TOX: variants seen among roughly 807,000 people sequenced by gnomAD.
TOX encodes the protein thymocyte selection-associated high mobility group box protein TOX.
TOX carries 11 observed loss-of-function variants against 53.7 expected under a neutral mutation model. The ratio of observed to expected loss-of-function variants is 0.20; its 90% confidence interval spans 0.13 to 0.34. The LOEUF (loss-of-function observed/expected upper bound fraction) is 0.34. TOX is among the 10% of genes least tolerant of loss of function. The pLI, the probability that TOX is intolerant of heterozygous loss-of-function variation, is 1.00. For missense variants in TOX, 570 were observed against 664.6 expected (o/e 0.86, Z 1.56); for synonymous variants, 225 against 245.3 (o/e 0.92, Z 0.77).
Position 58,851,673 on chromosome 8 carries a change from T to C in TOX, c.544A>G (p.Ile182Val), listed in dbSNP as rs779563761. Residue 182 changes from isoleucine (I) to valine (V), a missense_variant, in exon 4 of 9, where the codon ATT (isoleucine) becomes GTT (valine). This residue lies in a region of TOX where 282 missense variants were observed against 315.0 expected (regional missense o/e 0.90). Coordinates refer to ENST00000361421, the MANE Select transcript of TOX (RefSeq NM_014729.3). This position sits in a 1 kb window ranked among gnomAD's most constrained non-coding sequence, Gnocchi z 4.4. ...GMMPHGQLTT[I>V]NQSQLSAQLG... Reference sequence around the variant, plus strand: ...TGAGCACTTAGCTGTGACTGGTTAATGGTAGTCAGCTGGCCATGTGGCATC... The same window carrying C: ...TGAGCACTTAGCTGTGACTGGTTAACGGTAGTCAGCTGGCCATGTGGCATC... 4.3e-6 allele frequency: 7 copies of C among 1,613,776 alleles called. No individual in the cohort carries two copies. The highest frequency in any genetic ancestry group is 4.2e-6 in the Non-Finnish European group (5 of 1,179,860).
chr8:58,824,370 A>G (rs1395498271), intron 6 of TOX, among the ~76,000 whole-genome samples: 1 of 152,212 alleles, frequency 6.6e-6, no homozygotes, highest in Non-Finnish European at 1.5e-5. Flanking sequence ...TGTACTGAGA[A>G]TGAACCCAGT....
At chr8:58,936,923 G>C (rs1317914538) in intron 3 of TOX, among the ~76,000 whole-genome samples, 3 of 152,124 alleles carry the variant, frequency 2.0e-5, no homozygotes, top group Admixed American at 2.0e-4. Flanking sequence ...ATGAAAAATT[G>C]GTCCCTCAGT....
intron 5 of TOX, among the ~76,000 whole-genome samples, chr8:58,837,586 T>G (rs983629493): frequency 6.6e-6 from 1 of 152,154 alleles, no homozygotes; most frequent in African/African-American, 2.4e-5. Flanking sequence ...CCTAAAAATA[T>G]GGTGTAAATA....
At chr8:58,858,745 G>T (rs1274730184) in intron 3 of TOX, among the ~76,000 whole-genome samples, 1 of 152,238 alleles carries the variant, frequency 6.6e-6, no homozygotes, top group African/African-American at 2.4e-5. Flanking sequence ...GCTTCCTCTC[G>T]GTCCCTTTTA....
chr8:58,877,756 C>T (rs1213711294), intron 3 of TOX, among the ~76,000 whole-genome samples: 1 of 152,096 alleles, frequency 6.6e-6, no homozygotes, highest in Non-Finnish European at 1.5e-5. Context: ...TGCAGTCGTG[C>T]AGTGTACTAA....
At chr8:58,816,953 G>A (rs1810190326) in intron 6 of TOX, among the ~76,000 whole-genome samples, 4 of 152,120 alleles carry the variant, frequency 2.6e-5, no homozygotes, top group African/African-American at 7.2e-5. Context: ...CTTCAATAAT[G>A]CAGTCAAGTT....
intron 1 of TOX, among the ~76,000 whole-genome samples, chr8:59,003,962 A>G (rs1375399546): frequency 6.6e-6 from 1 of 152,226 alleles, no homozygotes; most frequent in Non-Finnish European, 1.5e-5. Flanking sequence ...CTGCAGCATT[A>G]TAATGACCAA....
chr8:58,889,112 C>A (rs1249641917), intron 3 of TOX, among the ~76,000 whole-genome samples: 1 of 147,476 alleles, frequency 6.8e-6, no homozygotes, highest in Admixed American at 7.0e-5. Flanking sequence ...ATTAAAATTA[C>A]AAATGCATAT....
intron 2 of TOX, among the ~76,000 whole-genome samples, chr8:58,951,871 A>C (rs542158920): frequency 6.6e-6 from 1 of 152,284 alleles, no homozygotes; most frequent in South Asian, 2.1e-4. Flanking sequence ...TAGGGAGAAC[A>C]TTTTCTAAGA....
intron 3 of TOX, among the ~76,000 whole-genome samples, chr8:58,905,665 T>G (rs1460343994): frequency 6.6e-6 from 1 of 152,226 alleles, no homozygotes; most frequent in Non-Finnish European, 1.5e-5. Context: ...CTCCTTATGC[T>G]TTGTATGGGG....
intron 3 of TOX, among the ~76,000 whole-genome samples, chr8:58,879,225 A>G (rs1033526269): frequency 6.6e-6 from 1 of 152,178 alleles, no homozygotes; most frequent in Non-Finnish European, 1.5e-5. Context: ...GATATTTGGT[A>G]CAGAAACCAT....
intron 7 of TOX, among the ~76,000 whole-genome samples, chr8:58,814,748 G>C (rs1037445641): frequency 3.9e-5 from 6 of 152,158 alleles, no homozygotes; most frequent in Admixed American, 3.9e-4. Flanking sequence ...GGAGTGGGTA[G>C]GGAGGCTTCC....
chr8:59,069,881 G>A (rs1804162605), intron 1 of TOX, among the ~76,000 whole-genome samples: 1 of 152,218 alleles, frequency 6.6e-6, no homozygotes, highest in African/African-American at 2.4e-5. Flanking sequence ...TGACCTTTCA[G>A]AGCGAGAAGG....
At chr8:59,011,606 G>A (rs1339470937) in intron 1 of TOX, among the ~76,000 whole-genome samples, 3 of 151,796 alleles carry the variant, frequency 2.0e-5, no homozygotes, top group African/African-American at 7.3e-5. Context: ...TTGGCTGCAG[G>A]GTAAGTAACC....
intron 1 of TOX, among the ~76,000 whole-genome samples, chr8:59,008,725 G>A (rs1356123899): frequency 6.6e-6 from 1 of 152,114 alleles, no homozygotes; most frequent in African/African-American, 2.4e-5. Flanking sequence ...AATGGCTGCT[G>A]GATTTCTCAT....
At chr8:58,895,793 G>C (rs1811634915) in intron 3 of TOX, among the ~76,000 whole-genome samples, 1 of 152,122 alleles carries the variant, frequency 6.6e-6, no homozygotes, top group Non-Finnish European at 1.5e-5. Flanking sequence ...GAGGCAGACT[G>C]GGTTTTAATT....
At chr8:58,861,623 T>C (rs1811010669) in intron 3 of TOX, among the ~76,000 whole-genome samples, 2 of 152,282 alleles carry the variant, frequency 1.3e-5, no homozygotes, top group South Asian at 2.1e-4. Flanking sequence ...AAAGAATGGA[T>C]TGGAAGTGTA....
At chr8:58,894,839 T>C (rs1316160364) in intron 3 of TOX, among the ~76,000 whole-genome samples, 1 of 151,884 alleles carries the variant, frequency 6.6e-6, no homozygotes, top group African/African-American at 2.4e-5. Context: ...GAGGTTGCAG[T>C]GAGCCGAGAT....
chr8:58,808,368 T>A, intron 7 of TOX, 99 bp from the exon 8 acceptor site: 1 of 1,414,206 alleles, frequency 7.1e-7, no homozygotes, highest in Non-Finnish European at 9.4e-7. Context: ...ACTAGGCCTC[T>A]TGCTTCTGTC....
Sources: gnomAD v4.1 joint callset for allele counts (sites outside exome capture counted in the v4.1 genomes callset) on GRCh38, gnomAD v4.1.1 for gene constraint, gnomAD v4.1.1 regional missense constraint, Gnocchi (gnomAD v3.1) non-coding constraint, MANE v1.5 for transcripts, NCBI Gene and HGNC (gene_info 2026-07-23, HGNC 2026-07-21) for gene names.